Variants in CDH4 observed in about 807,000 individuals in gnomAD.
CDH4 encodes the protein cadherin 4.
CDH4 carries 33 observed loss-of-function variants against 86.0 expected under a neutral mutation model. The ratio of observed to expected loss-of-function variants is 0.38; its 90% confidence interval spans 0.29 to 0.51. The LOEUF (loss-of-function observed/expected upper bound fraction) is 0.51. CDH4 is among the 20% of genes least tolerant of loss of function. The pLI is 0.86. For synonymous variants in CDH4, 555 were observed against 549.4 expected (o/e 1.01, Z -0.14); for missense variants, 1,114 against 1,307.4 (o/e 0.85, Z 2.28).
chr20:61,813,795 A>T (rs888883169), intron 4 of CDH4, among the ~76,000 whole-genome samples: 1 of 152,112 alleles, frequency 6.6e-6, no homozygotes, highest in African/African-American at 2.4e-5. Flanking sequence ...ACTGCCAGGG[A>T]TCCCATAGCC....
intron 2 of CDH4, among the ~76,000 whole-genome samples, chr20:61,686,022 A>G (rs1021414224): frequency 1.3e-5 from 2 of 152,254 alleles, no homozygotes; most frequent in African/African-American, 4.8e-5. Context: ...TACTGAAGGC[A>G]AAAATAATGT....
intron 2 of CDH4, among the ~76,000 whole-genome samples, chr20:61,538,061 A>G (rs1208436066): frequency 1.3e-5 from 2 of 152,126 alleles, no homozygotes; most frequent in Non-Finnish European, 2.9e-5. Flanking sequence ...ATTATGTACA[A>G]AGCCAGGCCC....
At chr20:61,407,244 G>A (rs776927121) in intron 2 of CDH4, among the ~76,000 whole-genome samples, 10 of 152,200 alleles carry the variant, frequency 6.6e-5, no homozygotes, top group Admixed American at 1.3e-4. Flanking sequence ...CATTGGTTCC[G>A]TATGTGGCTG....
intron 2 of CDH4, among the ~76,000 whole-genome samples, chr20:61,351,457 C>G (rs957840755): frequency 6.6e-6 from 1 of 152,174 alleles, no homozygotes; most frequent in African/African-American, 2.4e-5. Context: ...CAGTCTCCCA[C>G]TGATACCAAG....
intron 7 of CDH4, among the ~76,000 whole-genome samples, chr20:61,889,986 A>C (rs1031883721): frequency 6.8e-6 from 1 of 146,662 alleles, no homozygotes; most frequent in Non-Finnish European, 1.5e-5. Context: ...GGGTGGATGG[A>C]TAGGTGGCTG....
chr20:61,934,917 C>T (rs768270858), intron 15 of CDH4, among the ~76,000 whole-genome samples: 1 of 152,246 alleles, frequency 6.6e-6, no homozygotes, highest in Non-Finnish European at 1.5e-5. Context: ...TTTGAAACAT[C>T]GCTTACAATG....
intron 2 of CDH4, among the ~76,000 whole-genome samples, chr20:61,653,548 G>A (rs1274299268): frequency 2.1e-5 from 3 of 143,248 alleles, no homozygotes; most frequent in Admixed American, 6.9e-5. Context: ...CGGACGGGGT[G>A]GCTGGCCAGG....
rs369591868 is a variant in CDH4 at position 61,852,233 on chromosome 20, C to T, written c.733-521C>T. On this transcript the variant is annotated intron_variant, in intron 5 of 15. Coordinates refer to ENST00000614565, the MANE Select transcript of CDH4 (RefSeq NM_001794.5). ...TTGTCCAGGCTGGACTCTCAGTGGA[C>T]GCCCAAATGGGCCCAATTCCCAGCC... is the stretch of plus-strand genomic sequence containing the variant. Among the ~76,000 whole-genome samples the T allele has an allele frequency of 9.2e-5, 14 of 152,218 alleles. No homozygotes were observed. The East Asian group carries it at 1.2e-3, about 13-fold the overall frequency.
chr20:61,579,906 A>G (rs1351531430), intron 2 of CDH4, among the ~76,000 whole-genome samples: 3 of 151,954 alleles, frequency 2.0e-5, no homozygotes, highest in Non-Finnish European at 4.4e-5. Context: ...CTTTTTTTGT[A>G]AAATAAGATG....
chr20:61,310,827 C>G (rs1392143742), intron 2 of CDH4, among the ~76,000 whole-genome samples: 1 of 152,186 alleles, frequency 6.6e-6, no homozygotes, highest in Admixed American at 6.5e-5. Flanking sequence ...TGTCTGCGTC[C>G]TAGCTCCCTC....
In CDH4 at chr20:61,377,720, C is replaced by T. The variant is rs969486459; in HGVS notation, c.169+122783C>T. On this transcript the variant is annotated intron_variant, in intron 2 of 15. Transcript: ENST00000614565. This position sits in a 1 kb window ranked among gnomAD's most constrained non-coding sequence, Gnocchi z 4.0. Reference sequence around the variant, plus strand: ...TGTTAATGTGCCATAACCACTGGCTCCAAGCAATTCTTCAGTGCTGTGTAA... The same window carrying T: ...TGTTAATGTGCCATAACCACTGGCTTCAAGCAATTCTTCAGTGCTGTGTAA... 6.6e-6 allele frequency among the ~76,000 whole-genome samples: 1 copy of T among 152,182 alleles called. No homozygotes were observed. Among genetic ancestry groups the T allele is most frequent in the Admixed American group, 6.5e-5 (1 of 15,274 alleles).
chr20:61,868,835 C>T (rs1008430013), intron 6 of CDH4, among the ~76,000 whole-genome samples: 3 of 152,206 alleles, frequency 2.0e-5, no homozygotes, highest in African/African-American at 4.8e-5. Flanking sequence ...GGGCGGGAGA[C>T]GGGGAGCTCT....
chr20:61,847,039 T>C (rs77375807), intron 5 of CDH4, among the ~76,000 whole-genome samples: 6,695 of 152,260 alleles, frequency 0.044, 284 homozygotes, highest in East Asian at 0.14. Flanking sequence ...CCAGGTGACC[T>C]GCACCAGCAG....
chr20:61,363,504 G>A (rs1171950347), intron 2 of CDH4, among the ~76,000 whole-genome samples: 2 of 151,200 alleles, frequency 1.3e-5, no homozygotes, highest in African/African-American at 4.8e-5. Context: ...ACACACCTAT[G>A]ACAAATGTTA....
rs1421846413 is a variant in CDH4, at chr20:61,807,898, C to T, written c.576+34716C>T. 6.6e-6 allele frequency among the ~76,000 whole-genome samples: 1 copy of T among 152,172 alleles called. No individual in the cohort carries two copies. Among genetic ancestry groups the T allele is most frequent in the Non-Finnish European group, 1.5e-5 (1 of 68,028 alleles). ...ACTGGGCAGCAGGCTGTGGGCCTGG[C>T]GGGATGCAGGCACAGCGCGATCCAG... On this transcript the variant is annotated intron_variant, in intron 4 of 15. Coordinates refer to ENST00000614565, the MANE Select transcript of CDH4 (RefSeq NM_001794.5). This position sits in a 1 kb window ranked among gnomAD's most constrained non-coding sequence, Gnocchi z 4.5.
intron 2 of CDH4, among the ~76,000 whole-genome samples, chr20:61,465,614 A>G (rs1355111926): frequency 6.6e-6 from 1 of 151,792 alleles, no homozygotes; most frequent in Non-Finnish European, 1.5e-5. Flanking sequence ...CTTGGTGGAC[A>G]TATGTTTGAA....
chr20:61,691,763 A>T (rs1600879575), intron 2 of CDH4, among the ~76,000 whole-genome samples: 2 of 152,220 alleles, frequency 1.3e-5, no homozygotes, highest in Admixed American at 6.5e-5. Flanking sequence ...CAGAAAAGGG[A>T]CAGTAAAAAT....
chr20:61,859,315 G>A (rs568147388), intron 6 of CDH4, among the ~76,000 whole-genome samples: 1 of 152,312 alleles, frequency 6.6e-6, no homozygotes, highest in East Asian at 1.9e-4. Flanking sequence ...TGTCGGATAT[G>A]TGGTTTGCAA....
At chr20:61,861,330 C>T (rs1195553323) in intron 6 of CDH4, among the ~76,000 whole-genome samples, 1 of 152,218 alleles carries the variant, frequency 6.6e-6, no homozygotes, top group Non-Finnish European at 1.5e-5. Flanking sequence ...CTTAAGTTCT[C>T]CATACAAATC....
Sources: gnomAD v4.1 joint callset for allele counts (sites outside exome capture counted in the v4.1 genomes callset) on GRCh38, gnomAD v4.1.1 for gene constraint, Gnocchi (gnomAD v3.1) non-coding constraint, MANE v1.5 for transcripts, NCBI Gene and HGNC (gene_info 2026-07-23, HGNC 2026-07-21) for gene names.